UGGT2: variants seen among roughly 807,000 people sequenced by gnomAD.
UGGT2 encodes the protein UDP-glucose:glycoprotein glucosyltransferase 2.
In UGGT2, 180 loss-of-function variants were observed where a neutral mutation model predicts 192.1. That is an observed-to-expected ratio of 0.94 (90% CI 0.83 to 1.06). The LOEUF (loss-of-function observed/expected upper bound fraction) is 1.06. UGGT2 is among the 50% of genes least tolerant of loss of function. The pLI is 0.00. For synonymous variants in UGGT2, 580 were observed against 591.0 expected (o/e 0.98, Z 0.27); for missense variants, 1,849 against 1,795.7 (o/e 1.03, Z -0.54).
intron 20 of UGGT2, among the ~76,000 whole-genome samples, chr13:95,904,699 T>C (rs2048226351): frequency 6.6e-6 from 1 of 152,178 alleles, no homozygotes; most frequent in South Asian, 2.1e-4. Context: ...CTATCATTGT[T>C]GGACATTTCG....
chr13:95,960,620 C>A (rs2050359565), intron 12 of UGGT2, among the ~76,000 whole-genome samples: 1 of 151,962 alleles, frequency 6.6e-6, no homozygotes, highest in Non-Finnish European at 1.5e-5. Context: ...TATTAGAAAA[C>A]CTATTTAATG....
intron 27 of UGGT2, among the ~76,000 whole-genome samples, chr13:95,882,515 C>T (rs2140186702): frequency 6.6e-6 from 1 of 152,176 alleles, no homozygotes; most frequent in South Asian, 2.1e-4. Flanking sequence ...AGGATGGTTG[C>T]AGAATATTTT....
intron 29 of UGGT2, among the ~76,000 whole-genome samples, chr13:95,874,524 G>A (rs913141299): frequency 7.9e-5 from 12 of 152,110 alleles, no homozygotes; most frequent in Admixed American, 3.9e-4. Flanking sequence ...TGGTGTGAGA[G>A]GTCATCACAC....
chr13:95,842,064 C>T (rs903498470), intron 36 of UGGT2, among the ~76,000 whole-genome samples: 3 of 152,134 alleles, frequency 2.0e-5, no homozygotes, highest in African/African-American at 7.2e-5. Context: ...TATGCCAGTA[C>T]CACTACTGGG....
chr13:95,920,052 C>G (rs1262914620), intron 20 of UGGT2, among the ~76,000 whole-genome samples: 2 of 152,064 alleles, frequency 1.3e-5, no homozygotes, highest in Non-Finnish European at 2.9e-5. Context: ...AGATCACACA[C>G]CTACAACCAT....
At chr13:95,911,074 A>G (rs1313697290) in intron 20 of UGGT2, among the ~76,000 whole-genome samples, 1 of 152,240 alleles carries the variant, frequency 6.6e-6, no homozygotes, top group Non-Finnish European at 1.5e-5. Context: ...AATCTTTGGG[A>G]CACATTTAAA....
chr13:96,042,400 C>G (rs1299359623), intron 1 of UGGT2, among the ~76,000 whole-genome samples: 1 of 152,148 alleles, frequency 6.6e-6, no homozygotes, highest in Non-Finnish European at 1.5e-5. Context: ...TCTGACAGAG[C>G]CTACCCAAAT....
At chr13:95,942,225 TGTG>T (rs1566734872) in intron 15 of UGGT2, among the ~76,000 whole-genome samples, 1 of 9,646 alleles carries the variant, frequency 1.0e-4, no homozygotes, top group East Asian at 5.7e-3. Context: ...GGTGAGGGTG[TGTG>T]TGTGTGTGTG....
intron 20 of UGGT2, among the ~76,000 whole-genome samples, chr13:95,923,227 A>T (rs924040747): frequency 6.6e-6 from 1 of 152,036 alleles, no homozygotes; most frequent in African/African-American, 2.4e-5. Flanking sequence ...AATTGTTTTT[A>T]AAAAAATTTT....
At chr13:95,853,365 A>C (rs1433079276) in intron 36 of UGGT2, among the ~76,000 whole-genome samples, 178 bp downstream of exon 36, 1 of 152,226 alleles carries the variant, frequency 6.6e-6, no homozygotes, top group African/African-American at 2.4e-5. Flanking sequence ...ATTAGTTTTG[A>C]AAATGTTGAG....
At chr13:96,029,129 C>A (rs190569273) in intron 2 of UGGT2, among the ~76,000 whole-genome samples, 5 of 151,990 alleles carry the variant, frequency 3.3e-5, no homozygotes, top group African/African-American at 1.2e-4. Flanking sequence ...CCAGCCTGGG[C>A]GACACAGTGA....
intron 12 of UGGT2, among the ~76,000 whole-genome samples, chr13:95,954,142 T>A (rs954643010): frequency 1.3e-5 from 2 of 152,130 alleles, no homozygotes; most frequent in South Asian, 2.1e-4. Context: ...ACACACAATT[T>A]AAAAAAATAT....
In UGGT2 at chr13:95,817,818, T is replaced by C. The variant is rs576669984; in HGVS notation, c.4528+15109A>G. Among the ~76,000 whole-genome samples the C allele has an allele frequency of 3.9e-4, 59 of 152,182 alleles. 1 individual carries two copies. The highest frequency in any genetic ancestry group is 1.4e-3 in the African/African-American group (57 of 41,538). On this transcript the variant is annotated intron_variant, in intron 38 of 38. Transcript: ENST00000376747. ...TTCTAAGAGGGAGCAATATTACAGA[T>C]GACATTCATTGCCCATCATGAAATT...
At chr13:96,040,988 T>C (rs897205943) in intron 1 of UGGT2, among the ~76,000 whole-genome samples, 2 of 152,286 alleles carry the variant, frequency 1.3e-5, no homozygotes, top group African/African-American at 2.4e-5. Flanking sequence ...GAATCAGGTA[T>C]TAAATAAAAA....
chr13:95,880,585 T>C (rs1286961096), intron 27 of UGGT2, among the ~76,000 whole-genome samples: 1 of 152,196 alleles, frequency 6.6e-6, no homozygotes, highest in African/African-American at 2.4e-5. Context: ...TGGTTTCTCT[T>C]TGTACAGTTT....
At chr13:96,053,026 C>G (rs2053531674) in intron 1 of UGGT2, 129 bp downstream of exon 1, 2 of 1,282,976 alleles carry the variant, frequency 1.6e-6, no homozygotes, top group Non-Finnish European at 2.0e-6. Context: ...TGGTGATGCT[C>G]AGGGCCAGAG....
intron 33 of UGGT2, 99 bp downstream of exon 33, chr13:95,859,492 A>G: frequency 1.0e-6 from 1 of 1,000,678 alleles, no homozygotes; most frequent in Non-Finnish European, 1.5e-6. Context: ...TTTTTCAAAA[A>G]GCTTATTCTG....
intron 5 of UGGT2, among the ~76,000 whole-genome samples, chr13:96,001,444 C>A (rs559118152): frequency 6.6e-6 from 1 of 152,124 alleles, no homozygotes; most frequent in Non-Finnish European, 1.5e-5. Flanking sequence ...CATCTCCCTT[C>A]GCTGACTCTC....
chr13:95,923,944 C>A (rs2048930696), intron 20 of UGGT2, among the ~76,000 whole-genome samples: 1 of 151,988 alleles, frequency 6.6e-6, no homozygotes, highest in African/African-American at 2.4e-5. Flanking sequence ...TGATAAATAA[C>A]CAGAAAAAAT....
Sources: gnomAD v4.1 joint callset for allele counts (sites outside exome capture counted in the v4.1 genomes callset) on GRCh38, gnomAD v4.1.1 for gene constraint, MANE v1.5 for transcripts, NCBI Gene and HGNC (gene_info 2026-07-23, HGNC 2026-07-21) for gene names.